Variants in DHX29 observed in about 807,000 individuals in gnomAD.
DHX29 encodes the protein DExH-box helicase 29.
In DHX29, 79 loss-of-function variants were observed where a neutral mutation model predicts 167.9. The observed-to-expected ratio is 0.47, with a 90% CI of 0.39 to 0.57. The LOEUF is 0.57. Ranked by LOEUF, DHX29 falls within the 20% of genes least tolerant of loss-of-function variation. The pLI is 0.00. For missense variants in DHX29, 1,347 were observed against 1,593.4 expected, an observed-to-expected ratio of 0.85 and a Z score of 2.63; for synonymous variants, 530 against 546.0, an observed-to-expected ratio of 0.97 and a Z score of 0.41.
chr5:55,266,009 CTTTTT>C (rs1339324511), intron 23 of DHX29, among the ~76,000 whole-genome samples: 1 of 141,776 alleles, frequency 7.1e-6, no homozygotes, highest in African/African-American at 2.6e-5. Context: ...TTTTCCTTTT[CTTTTT>C]TTTGAGACGG....
Position 55,259,960 on chromosome 5 carries a change from G to GA in DHX29, c.3961-17dup, listed in dbSNP as rs1561132067. On this transcript the variant is annotated splice_polypyrimidine_tract_variant and intron_variant, in intron 25 of 26. Transcript: ENST00000251636. Reference sequence around the variant, plus strand: ...TTACAGGGGCCTGTTAAGAGGAGTTGAAAAAATGGACAAAGTCAATCCAGG... The same window carrying GA: ...TTACAGGGGCCTGTTAAGAGGAGTTGAAAAAAATGGACAAAGTCAATCCAGG... The GA allele has an allele frequency of 6.7e-7, 1 of 1,491,232 alleles. No individual in the cohort carries two copies. The highest frequency in any genetic ancestry group is 9.3e-7 in the Non-Finnish European group (1 of 1,074,204). The allele number at this position is 1,491,232 out of a possible 1,614,324, so 92.4% of individuals were successfully genotyped here.
rs1208270319 is a variant in DHX29, at chr5:55,290,460, G to C, written c.781-116C>G. On this transcript the variant is annotated intron_variant, in intron 6 of 26. Transcript: ENST00000251636. ...TATTTTTACCTTATCCTTTGATCCAGCAAATCTACTTTTAGGAATTTTTCA... is the reference window on the plus strand; with the variant it reads ...TATTTTTACCTTATCCTTTGATCCACCAAATCTACTTTTAGGAATTTTTCA... The C allele has an allele frequency of 4.8e-6, 6 of 1,250,812 alleles. No homozygotes were observed. In the East Asian group the frequency reaches 1.5e-4, roughly 32 times the overall value. The allele number at this position is 1,250,812 out of a possible 1,614,324, so 77.5% of individuals were successfully genotyped here.
At chr5:55,304,019 C>G (rs1748733560) in intron 1 of DHX29, among the ~76,000 whole-genome samples, 1 of 152,078 alleles carries the variant, frequency 6.6e-6, no homozygotes, top group African/African-American at 2.4e-5. Flanking sequence ...GAAGAGAAAA[C>G]TTAAATTACT....
intron 3 of DHX29, 21 bp downstream of exon 3, chr5:55,297,264 T>A: frequency 8.3e-7 from 1 of 1,198,850 alleles, no homozygotes; most frequent in Non-Finnish European, 1.2e-6. Flanking sequence ...ACTAAGGAAC[T>A]TTAAAAAGTT....
chr5:55,272,664 C>A (rs535681064), intron 17 of DHX29, among the ~76,000 whole-genome samples: 3 of 151,976 alleles, frequency 2.0e-5, no homozygotes, highest in Non-Finnish European at 4.4e-5. Context: ...ACCCAGGAGG[C>A]GGAGGTTGCA....
At position 55,285,693 on chromosome 5, in the gene DHX29, T is replaced by C; in HGVS notation, c.1232+3A>G. ...TTAAAAACAACAACAACAAAAAACATACCTACATTTCCAGTATCTACCTAC... is the reference window on the plus strand; with the variant it reads ...TTAAAAACAACAACAACAAAAAACACACCTACATTTCCAGTATCTACCTAC... On this transcript the variant is annotated splice_donor_region_variant and intron_variant, in intron 9 of 26. Coordinates refer to ENST00000251636, the MANE Select transcript of DHX29 (RefSeq NM_019030.4). The C allele has an allele frequency of 6.4e-7, 1 of 1,552,248 alleles. No individual in the cohort carries two copies. Among genetic ancestry groups the C allele is most frequent in the East Asian group, 2.3e-5 (1 of 43,842 alleles).
chr5:55,302,927 G>A (rs974761923), intron 1 of DHX29, among the ~76,000 whole-genome samples: 3 of 152,128 alleles, frequency 2.0e-5, no homozygotes, highest in African/African-American at 7.2e-5. Context: ...GAAGTTACTG[G>A]AAATCTGACT....
intron 1 of DHX29, among the ~76,000 whole-genome samples, chr5:55,305,642 A>G (rs1374356797): frequency 6.6e-6 from 1 of 152,174 alleles, no homozygotes; most frequent in Non-Finnish European, 1.5e-5. Context: ...CTTCGTTGCT[A>G]CTCCAGGAAT....
chr5:55,281,113 T>C (rs562779570), intron 12 of DHX29, among the ~76,000 whole-genome samples: 62 of 149,042 alleles, frequency 4.2e-4, no homozygotes, highest in Non-Finnish European at 7.9e-4. Context: ...GCAATATATA[T>C]ATGTACACAC....
chr5:55,275,043 A>C, intron 14 of DHX29, 33 bp from the exon 15 acceptor site: 1 of 1,599,360 alleles, frequency 6.3e-7, no homozygotes, highest in South Asian at 1.1e-5. Context: ...GAGGTGAATA[A>C]AAATATTAAG....
intron 10 of DHX29, 71 bp from the exon 11 acceptor site, chr5:55,283,882 A>C: frequency 7.8e-7 from 1 of 1,283,908 alleles, no homozygotes; most frequent in South Asian, 1.5e-5. Context: ...TTAGCACTTA[A>C]AAGGATAGCT....
chr5:55,294,100 T>C lies in DHX29; in HGVS notation c.697A>G (p.Ile233Val), dbSNP rs1748183869. 2 of 1,605,470 alleles carry C rather than the reference T, an allele frequency of 1.2e-6. No homozygotes were observed. The highest frequency in any genetic ancestry group is 8.5e-7 in the Non-Finnish European group (1 of 1,176,604). The change falls in exon 6 of 27, where the codon ATT (isoleucine) becomes GTT (valine). Residue 233 changes from isoleucine to valine, a missense_variant. Ile to Val is a conservative substitution (Grantham distance 29). Coordinates refer to ENST00000251636, the MANE Select transcript of DHX29 (RefSeq NM_019030.4). Reference sequence around the variant, plus strand: ...TTTTGTTGTTCAGCATATCGTAAAATCCACTCTTTCATATTTACTTCCATA... The same window carrying C: ...TTTTGTTGTTCAGCATATCGTAAAACCCACTCTTTCATATTTACTTCCATA... ...KNMEVNMKEWILRYAEQQNEE... is the reference protein window; with the variant it reads ...KNMEVNMKEWVLRYAEQQNEE...
intron 12 of DHX29, among the ~76,000 whole-genome samples, chr5:55,278,156 T>C (rs1000307857): frequency 2.0e-5 from 3 of 152,218 alleles, no homozygotes; most frequent in Non-Finnish European, 4.4e-5. Flanking sequence ...TGAGGTATAC[T>C]GTCAGAACTT....
chr5:55,281,877 T>A (rs544459447), intron 11 of DHX29, among the ~76,000 whole-genome samples: 34 of 151,718 alleles, frequency 2.2e-4, no homozygotes, highest in African/African-American at 8.2e-4. Flanking sequence ...CTTCCACCTC[T>A]TGGGTTCAAG....
chr5:55,270,283 G>C (rs1439720949), intron 20 of DHX29, 129 bp downstream of exon 20: 9 of 998,818 alleles, frequency 9.0e-6, no homozygotes, highest in South Asian at 1.8e-5. Flanking sequence ...AGATGGATAA[G>C]GGCATATATT....
At chr5:55,261,273 A>T (rs892184187) in intron 25 of DHX29, 95 bp downstream of exon 25, 7 of 601,922 alleles carry the variant, frequency 1.2e-5, no homozygotes, top group African/African-American at 1.9e-5. Context: ...TTAAGAAGAA[A>T]TTATGCAAAC....
rs1228987353 is a variant in DHX29, at chr5:55,262,665, A to T, written c.3793T>A (p.Leu1265Met). Residue 1265 changes from leucine (L) to methionine (M), a missense_variant, in exon 24 of 27, where the codon TTG (leucine) becomes ATG (methionine). Around this residue, in one of 3 missense-constraint regions of DHX29, gnomAD observed 882 missense variants for 1,082.4 expected, o/e 0.81. Coordinates refer to ENST00000251636, the MANE Select transcript of DHX29 (RefSeq NM_019030.4). ...QVHPSSVNRD[L>M]QTHGWLLYQE... Reference sequence around the variant, plus strand: ...TATAAGAGCCATCCATGAGTTTGCAAATCTCGATTTACTGAGGATGGGTGT... The same window carrying T: ...TATAAGAGCCATCCATGAGTTTGCATATCTCGATTTACTGAGGATGGGTGT... 7 of 1,613,954 alleles carry T rather than the reference A, an allele frequency of 4.3e-6. No homozygotes were observed. The highest frequency in any genetic ancestry group is 2.7e-5 in the African/African-American group (2 of 74,910).
At chr5:55,298,428 A>C (rs889708718) in intron 2 of DHX29, among the ~76,000 whole-genome samples, 163 bp downstream of exon 2, 1 of 152,202 alleles carries the variant, frequency 6.6e-6, no homozygotes, top group Non-Finnish European at 1.5e-5. Context: ...GTCTCTCAAC[A>C]TATGTGTATG....
Position 55,296,366 on chromosome 5 carries a change from TA to T in DHX29, c.376-18del, listed in dbSNP as rs759029345. On this transcript the variant is annotated intron_variant, in intron 3 of 26. Coordinates refer to ENST00000251636, the MANE Select transcript of DHX29 (RefSeq NM_019030.4). Reference sequence around the variant, plus strand: ...GTATAAATCCTATGACAAGCAAATATAAAAAAAGTCACATTTGTCAAAGTTC... The same window carrying T: ...GTATAAATCCTATGACAAGCAAATATAAAAAAGTCACATTTGTCAAAGTTC... 7 of 1,602,456 alleles carry T rather than the reference TA, an allele frequency of 4.4e-6. No homozygotes were observed. Among genetic ancestry groups the T allele is most frequent in the Middle Eastern group, 1.7e-4 (1 of 6,010 alleles).
Sources: allele counts gnomAD v4.1 joint callset (sites outside exome capture counted in the v4.1 genomes callset), GRCh38; gene constraint gnomAD v4.1.1; regional missense constraint gnomAD v4.1.1; transcripts MANE v1.5; gene names NCBI Gene and HGNC (gene_info 2026-07-23, HGNC 2026-07-21).